TAFA5: variants seen among roughly 807,000 people sequenced by gnomAD.
TAFA5 encodes TAFA chemokine like family member 5.
A neutral mutation model predicts 15.3 loss-of-function variants in TAFA5; 6 were observed. That is an observed-to-expected ratio of 0.39 (90% confidence interval 0.21 to 0.77). The LOEUF is 0.77. TAFA5 is among the 30% of genes least tolerant of loss of function. The probability of loss-of-function intolerance (pLI) is 0.41; values close to 1 mark genes in which losing one functional copy is unlikely to be tolerated. For synonymous variants in TAFA5, 103 were observed against 80.7 expected, an observed-to-expected ratio of 1.28 and a Z score of -1.48; for missense variants, 161 against 193.1, an observed-to-expected ratio of 0.83 and a Z score of 0.98.
At chr22:48,544,987 C>A (rs929239166) in intron 1 of TAFA5, 1 of 424,482 alleles carries the variant, frequency 2.4e-6, no homozygotes, top group Non-Finnish European at 5.0e-6. Context: ...AGCCGCCTCT[C>A]CTTTGCTGCG....
chr22:48,592,158 G>A (rs1924593144), intron 1 of TAFA5, among the ~76,000 whole-genome samples: 1 of 152,204 alleles, frequency 6.6e-6, no homozygotes. Flanking sequence ...TGTGGTCAGT[G>A]ACCCACCCAT....
chr22:48,744,212 TTTC>T (rs1930262520), intron 3 of TAFA5, among the ~76,000 whole-genome samples: 1 of 152,098 alleles, frequency 6.6e-6, no homozygotes, highest in Admixed American at 6.6e-5. Flanking sequence ...GTCCCTGACA[TTTC>T]TTGGTGGGAT....
intron 1 of TAFA5, among the ~76,000 whole-genome samples, chr22:48,570,307 T>G (rs187421819): frequency 2.0e-5 from 3 of 152,226 alleles, no homozygotes; most frequent in Non-Finnish European, 4.4e-5. Flanking sequence ...CATTACATTA[T>G]ATGAATGTAA....
intron 1 of TAFA5, among the ~76,000 whole-genome samples, chr22:48,628,622 C>T (rs1926106203): frequency 6.6e-6 from 1 of 152,210 alleles, no homozygotes; most frequent in Admixed American, 6.5e-5. Context: ...ACCTGGTGAG[C>T]TCCCAGATGT....
chr22:48,625,333 C>T (rs567084884), intron 1 of TAFA5, among the ~76,000 whole-genome samples: 66 of 152,266 alleles, frequency 4.3e-4, no homozygotes, highest in Non-Finnish European at 6.9e-4. Context: ...TTCACTCGGG[C>T]GTCTCCAACT....
chr22:48,504,937 A>G (rs1296546453), intron 1 of TAFA5, among the ~76,000 whole-genome samples: 1 of 151,878 alleles, frequency 6.6e-6, no homozygotes, highest in Non-Finnish European at 1.5e-5. Flanking sequence ...GCCTCCTCTG[A>G]CCTCTGAGGT....
intron 2 of TAFA5, among the ~76,000 whole-genome samples, chr22:48,675,915 G>A (rs1490720448): frequency 2.6e-5 from 4 of 152,238 alleles, no homozygotes; most frequent in Admixed American, 1.3e-4. Context: ...GCACCCTGAC[G>A]CCCAGGCACA....
At chr22:48,652,599 AC>A (rs1195904135) in intron 2 of TAFA5, among the ~76,000 whole-genome samples, 2 of 152,072 alleles carry the variant, frequency 1.3e-5, no homozygotes, top group Admixed American at 6.5e-5. Context: ...CTGGGCCCTC[AC>A]CAAATCATCG....
intron 1 of TAFA5, among the ~76,000 whole-genome samples, chr22:48,635,398 C>T (rs1361657381): frequency 1.3e-5 from 2 of 152,162 alleles, no homozygotes; most frequent in East Asian, 1.9e-4. Context: ...ACAGGCTGAC[C>T]TCCAGCCACT....
chr22:48,689,812 G>A (rs1928481452), intron 2 of TAFA5, among the ~76,000 whole-genome samples: 1 of 152,180 alleles, frequency 6.6e-6, no homozygotes, highest in South Asian at 2.1e-4. Context: ...ACAGCCTTGG[G>A]CCTTCCTTGC....
chr22:48,534,106 C>T lies in TAFA5; in HGVS notation c.112+44402C>T, dbSNP rs543606901. Among the ~76,000 whole-genome samples, 3 of 152,134 alleles carry T rather than the reference C, an allele frequency of 2.0e-5. No homozygotes were observed. The South Asian group carries it at 6.3e-4, about 32-fold the overall frequency. On this transcript the variant is annotated intron_variant, in intron 1 of 3. Transcript: ENST00000402357. The stretch of plus-strand genomic sequence containing the variant: ...AGCAGAGGCAAGAATACAGGTGAGG[C>T]AGGGCCAGGCAGGTGAGGGGTGACA...
Position 48,560,593 on chromosome 22 carries a change from A to T in TAFA5, c.112+70889A>T, listed in dbSNP as rs891349943. 2.7e-3 allele frequency among the ~76,000 whole-genome samples: 398 copies of T among 148,226 alleles called. 3 individuals carry two copies. Among genetic ancestry groups the T allele is most frequent in the African/African-American group, 8.6e-3 (350 of 40,678 alleles). On this transcript the variant is annotated intron_variant, in intron 1 of 3. Transcript: ENST00000402357. The surrounding 1 kb of genome is among the most constrained non-coding windows in gnomAD (Gnocchi z 4.2). The stretch of plus-strand genomic sequence containing the variant: ...TTATTATTATTATTATTATTATTAT[A>T]TTATTATTATTAATTATTTATTTAT...
intron 2 of TAFA5, among the ~76,000 whole-genome samples, chr22:48,668,986 G>A (rs1476102699): frequency 1.3e-5 from 2 of 152,198 alleles, no homozygotes; most frequent in East Asian, 1.9e-4. Flanking sequence ...CCTCACCCTC[G>A]AGGTGATGGT....
chr22:48,745,521 G>A (rs546699028), intron 3 of TAFA5, among the ~76,000 whole-genome samples: 1 of 148,168 alleles, frequency 6.7e-6, no homozygotes, highest in East Asian at 2.0e-4. Flanking sequence ...GGGCACACAC[G>A]GCTTTGTCGT....
chr22:48,570,351 G>A (rs1281709603), intron 1 of TAFA5, among the ~76,000 whole-genome samples: 1 of 152,078 alleles, frequency 6.6e-6, no homozygotes, highest in African/African-American at 2.4e-5. Flanking sequence ...ATGAGACAAG[G>A]GTATCTCAAA....
At position 48,566,980 on chromosome 22, in the gene TAFA5, C is replaced by T. The variant is rs1444472817; in HGVS notation, c.112+77276C>T. On this transcript the variant is annotated intron_variant, in intron 1 of 3. Transcript: ENST00000402357. This position sits in a 1 kb window ranked among gnomAD's most constrained non-coding sequence, Gnocchi z 4.5. ...CCTGCGGACTGGCCGCACTGGATTCCCCTTTCCCTGCGGAAGGGCACTTGC... is the reference window on the plus strand; with the variant it reads ...CCTGCGGACTGGCCGCACTGGATTCTCCTTTCCCTGCGGAAGGGCACTTGC... 2.6e-5 allele frequency among the ~76,000 whole-genome samples: 4 copies of T among 152,230 alleles called. No homozygotes were observed. The highest frequency in any genetic ancestry group is 4.4e-5 in the Non-Finnish European group (3 of 68,044).
At chr22:48,543,105 C>T (rs975430431) in intron 1 of TAFA5, among the ~76,000 whole-genome samples, 2 of 151,896 alleles carry the variant, frequency 1.3e-5, no homozygotes, top group African/African-American at 4.8e-5. Context: ...GGTCTGCATC[C>T]ACCTGGAGCC....
intron 3 of TAFA5, among the ~76,000 whole-genome samples, chr22:48,714,783 A>G (rs1374547652): frequency 1.3e-5 from 2 of 152,140 alleles, no homozygotes; most frequent in African/African-American, 4.8e-5. Context: ...GCAGAAACAT[A>G]TTATCTCAAG....
chr22:48,599,223 A>G (rs762830027), intron 1 of TAFA5, among the ~76,000 whole-genome samples: 1 of 152,208 alleles, frequency 6.6e-6, no homozygotes, highest in Non-Finnish European at 1.5e-5. Context: ...ATGATAAGGC[A>G]GAAAGTCCCA....
Sources: gnomAD v4.1 joint callset for allele counts (sites outside exome capture counted in the v4.1 genomes callset) on GRCh38, gnomAD v4.1.1 for gene constraint, Gnocchi (gnomAD v3.1) non-coding constraint, MANE v1.5 for transcripts, NCBI Gene and HGNC (gene_info 2026-07-23, HGNC 2026-07-21) for gene names.